The following CUBN variants were observed in gnomAD, a reference collection of about 807,000 sequenced individuals.
The protein encoded by CUBN is 460 kDa receptor.
CUBN carries 282 observed loss-of-function variants against 405.3 expected under a neutral mutation model. The ratio of observed to expected loss-of-function variants is 0.70; its 90% CI spans 0.63 to 0.77. The LOEUF (loss-of-function observed/expected upper bound fraction) is 0.77, where lower values mean the gene tolerates loss of function less well. Among genes scored for constraint, CUBN ranks in the 30% least tolerant of loss-of-function variants. The pLI, the probability that CUBN is intolerant of heterozygous loss-of-function variation, is 0.00. For synonymous variants in CUBN, 1,684 were observed against 1,617.0 expected (o/e 1.04, Z -0.99); for missense variants, 4,514 against 4,475.2 (o/e 1.01, Z -0.25).
Position 17,088,210 on chromosome 10 carries a change from G to T in CUBN, c.1901C>A (p.Thr634Asn). The T allele has an allele frequency of 6.2e-7, 1 of 1,613,680 alleles. No individual in the cohort carries two copies. ...PDLLVTFTFG[T>N]LSLEHHDDCN... is the part of the protein sequence containing the mutation. ...GTCATCATGGTGCTCGAGGCTCAAG[G>T]TCCCAAAAGTAAATGTTACCAGGAG... Residue 634 changes from threonine to asparagine, a missense_variant, in exon 15 of 67, where the codon ACC (threonine) becomes AAC (asparagine). Coordinates refer to ENST00000377833, the MANE Select transcript of CUBN (RefSeq NM_001081.4).
chr10:17,074,116 A>G (rs1220231388), intron 17 of CUBN, among the ~76,000 whole-genome samples: 4 of 152,242 alleles, frequency 2.6e-5, no homozygotes, highest in African/African-American at 4.8e-5. Flanking sequence ...AACATTATCA[A>G]GGCATGAATA....
In CUBN at chr10:16,982,693, T is replaced by G. The variant is rs772693893; in HGVS notation, c.4526-40A>C. The G allele has an allele frequency of 5.1e-6, 8 of 1,563,242 alleles. No homozygotes were observed. The South Asian group carries it at 9.0e-5, about 18-fold the overall frequency. ...CACAATTATTTCATGAGAGGAATCA[T>G]GGATGCTCGAAAATAATCCATTACC... On this transcript the variant is annotated intron_variant, in intron 30 of 66. Transcript: ENST00000377833.
chr10:17,041,012 A>T, intron 27 of CUBN, 21 bp downstream of exon 27: 1 of 1,606,212 alleles, frequency 6.2e-7, no homozygotes, highest in Non-Finnish European at 8.5e-7. Flanking sequence ...GCAGTGATCA[A>T]TCAAGCTTTA....
rs1839679160 is a variant in CUBN at position 16,851,392 on chromosome 10, G to T, written c.9506C>A (p.Ala3169Asp). The change falls in exon 60 of 67, where the codon GCC becomes GAC. Residue 3169 changes from alanine to aspartate, a missense_variant. Ala to Asp is a moderately radical substitution (Grantham distance 126). Around this residue, in one of 5 missense-constraint regions of CUBN, gnomAD observed 1,186 missense variants for 1,186.9 expected, o/e 1.00. Transcript: ENST00000377833. Reference protein sequence around the residue: ...GYLTGSNNTFASPDSDSNGMY... With the variant: ...GYLTGSNNTFDSPDSDSNGMY... ...TCCATTCGAATCAGAATCAGGAGAG[G>T]CAAAGGTATTATTCGAGCCTGTCAG... 2.5e-6 allele frequency: 4 copies of T among 1,614,088 alleles called. No individual in the cohort carries two copies. The East Asian group carries it at 8.9e-5, about 36-fold the overall frequency.
chr10:17,087,682 GCCAGGCTGTCT>G (rs1186674251), intron 15 of CUBN, among the ~76,000 whole-genome samples: 2 of 151,744 alleles, frequency 1.3e-5, no homozygotes, highest in African/African-American at 2.4e-5. Context: ...CACCATGTTG[GCCAGGCTGTCT>G]CCAACTCCTA....
intron 17 of CUBN, among the ~76,000 whole-genome samples, chr10:17,075,073 CTTTTTTTTTTTTT>C (rs957929670): frequency 1.1e-4 from 7 of 65,328 alleles, no homozygotes; most frequent in African/African-American, 3.8e-4. Flanking sequence ...TCTTTGTTTT[CTTTTTTTTTTTTT>C]TTTTTTTTTT....
chr10:17,003,546 CAA>C (rs1588570864), intron 28 of CUBN, among the ~76,000 whole-genome samples: 2 of 151,930 alleles, frequency 1.3e-5, no homozygotes, highest in Admixed American at 6.6e-5. Flanking sequence ...TTTCGTTCAA[CAA>C]AAGTTTTTTG....
chr10:16,937,543 G>C, intron 39 of CUBN, 49 bp downstream of exon 39: 1 of 1,499,214 alleles, frequency 6.7e-7, no homozygotes, highest in South Asian at 1.1e-5. Flanking sequence ...TGAAACATTG[G>C]CCTGCACATA....
chr10:17,030,763 A>G (rs1486970006), intron 27 of CUBN, among the ~76,000 whole-genome samples: 1 of 152,064 alleles, frequency 6.6e-6, no homozygotes, highest in Non-Finnish European at 1.5e-5. Context: ...TACTAAAAAT[A>G]CAAAAATTAG....
At chr10:17,125,960 C>A (rs1837173459) in intron 4 of CUBN, among the ~76,000 whole-genome samples, 1 of 152,204 alleles carries the variant, frequency 6.6e-6, no homozygotes, top group African/African-American at 2.4e-5. Flanking sequence ...TTTGCAGCAG[C>A]AATCCTTGCC....
intron 62 of CUBN, among the ~76,000 whole-genome samples, chr10:16,839,209 G>A (rs1002096764): frequency 6.6e-6 from 1 of 152,128 alleles, no homozygotes; most frequent in Admixed American, 6.5e-5. Flanking sequence ...CAGGGAGGAT[G>A]CACTTTTAAG....
Position 16,916,047 on chromosome 10 carries a change from T to C in CUBN, c.7001-17A>G. 1 of 1,602,238 alleles carries C rather than the reference T, an allele frequency of 6.2e-7. No homozygotes were observed. The highest frequency in any genetic ancestry group is 1.3e-5 in the African/African-American group (1 of 74,674). On this transcript the variant is annotated splice_polypyrimidine_tract_variant and intron_variant, in intron 45 of 66. Coordinates refer to ENST00000377833, the MANE Select transcript of CUBN (RefSeq NM_001081.4). ...CACACTGAGCTGCAAAAAATAAAAA[T>C]AAATAAATAAATAAGAAAGCAAGCA...
intron 29 of CUBN, among the ~76,000 whole-genome samples, chr10:16,987,065 T>C (rs550321578): frequency 1.1e-4 from 16 of 152,312 alleles, no homozygotes; most frequent in Non-Finnish European, 2.1e-4. Context: ...GAGGCCAGAC[T>C]GAGGTAACTG....
intron 22 of CUBN, among the ~76,000 whole-genome samples, chr10:17,056,564 G>T (rs891840278): frequency 7.9e-5 from 12 of 151,662 alleles, no homozygotes; most frequent in Non-Finnish European, 1.5e-4. Flanking sequence ...AGCCGAGATC[G>T]CACCACCGGA....
chr10:16,844,661 A>G (rs1351164262), intron 60 of CUBN, among the ~76,000 whole-genome samples: 2 of 152,194 alleles, frequency 1.3e-5, no homozygotes, highest in African/African-American at 2.4e-5. Flanking sequence ...GATTTCTCCT[A>G]AGTGAGTTGA....
At chr10:17,028,744 GA>G (rs897631238) in intron 27 of CUBN, among the ~76,000 whole-genome samples, 3 of 150,088 alleles carry the variant, frequency 2.0e-5, no homozygotes, top group African/African-American at 7.3e-5. Flanking sequence ...AAGAAAGAAA[GA>G]AAAAATAATA....
At chr10:17,115,661 T>C (rs1836877008) in intron 6 of CUBN, 64 bp from the exon 7 acceptor site, 8 of 1,556,584 alleles carry the variant, frequency 5.1e-6, no homozygotes, top group East Asian at 2.2e-5. Context: ...TGTCTCTTAA[T>C]ATCAATGAGA....
intron 41 of CUBN, among the ~76,000 whole-genome samples, chr10:16,926,845 AG>A (rs369296705): frequency 0.69 from 102,456 of 148,720 alleles, 35,145 homozygotes; most frequent in East Asian, 0.88. Flanking sequence ...CTATCTATCT[AG>A]TCTAATTGGG....
chr10:16,918,588 G>A, intron 45 of CUBN, 34 bp downstream of exon 45: 1 of 1,536,058 alleles, frequency 6.5e-7, no homozygotes, highest in South Asian at 1.1e-5. Context: ...ATGTACCCCT[G>A]AACCTAAAAT....
Sources: gnomAD v4.1 joint callset for allele counts (sites outside exome capture counted in the v4.1 genomes callset) on GRCh38, gnomAD v4.1.1 for gene constraint, gnomAD v4.1.1 regional missense constraint, MANE v1.5 for transcripts, NCBI Gene and HGNC (gene_info 2026-07-23, HGNC 2026-07-21) for gene names.